DLC1: variants seen among roughly 807,000 people sequenced by gnomAD.
DLC1 encodes the protein rho GTPase-activating protein 7.
Under a neutral mutation model 140.3 loss-of-function variants are expected in DLC1, and 54 were observed. The observed-to-expected ratio is 0.38, with a 90% CI of 0.31 to 0.48. The LOEUF (loss-of-function observed/expected upper bound fraction) is 0.48, where lower values mean the gene tolerates loss of function less well. Ranked by LOEUF, DLC1 falls within the 20% of genes least tolerant of loss-of-function variation. The pLI is 0.96. For missense variants in DLC1, 2,536 were observed against 1,907.0 expected (o/e 1.33, Z -6.14); for synonymous variants, 986 against 728.1 (o/e 1.35, Z -5.70).
chr8:13,329,908 A>G (rs971184284), intron 4 of DLC1, among the ~76,000 whole-genome samples: 1 of 152,096 alleles, frequency 6.6e-6, no homozygotes, highest in African/African-American at 2.4e-5. Context: ...CTTAGGTTTT[A>G]TTTGTTGTAG....
chr8:13,497,745 T>C (rs1347650123), intron 2 of DLC1, among the ~76,000 whole-genome samples: 1 of 152,166 alleles, frequency 6.6e-6, no homozygotes, highest in Non-Finnish European at 1.5e-5. Flanking sequence ...ATAGGATATA[T>C]GAAAGTTTTT....
rs1350947541 is a variant in DLC1 at position 13,392,208 on chromosome 8, G to A, written c.1314+1345C>T. On this transcript the variant is annotated intron_variant, in intron 4 of 17. Coordinates refer to ENST00000276297, the MANE Select transcript of DLC1 (RefSeq NM_182643.3). ...ATGCAGTATTATCATAGCTTGTACA[G>A]CATTTCATTGCGTTTCACTGTTTAC... is the stretch of plus-strand genomic sequence containing the variant. 2.0e-5 allele frequency among the ~76,000 whole-genome samples: 3 copies of A among 152,256 alleles called. No individual in the cohort carries two copies. The East Asian group carries it at 5.8e-4, about 29-fold the overall frequency.
intron 5 of DLC1, among the ~76,000 whole-genome samples, chr8:13,258,550 A>G (rs1006954183): frequency 3.9e-5 from 6 of 152,198 alleles, no homozygotes; most frequent in Admixed American, 3.9e-4. Context: ...TCACATCCAC[A>G]TTTAAGTTCT....
chr8:13,382,525 A>G (rs621804), intron 4 of DLC1, among the ~76,000 whole-genome samples: 3,150 of 45,946 alleles, frequency 0.069, 219 homozygotes, highest in East Asian at 0.29. Context: ...AAAAAAAAAA[A>G]AAAAAAAGAA....
At chr8:13,421,695 T>C (rs1456086931) in intron 2 of DLC1, among the ~76,000 whole-genome samples, 1 of 152,194 alleles carries the variant, frequency 6.6e-6, no homozygotes, top group African/African-American at 2.4e-5. Flanking sequence ...AATAGCCTTT[T>C]GCTTCCAAAA....
At chr8:13,524,869 A>C (rs141890924) in intron 1 of DLC1, among the ~76,000 whole-genome samples, 186 of 152,330 alleles carry the variant, frequency 1.2e-3, no homozygotes, top group African/African-American at 4.2e-3. Context: ...TACATATTTA[A>C]AGTGAACAAT....
At chr8:13,407,778 T>G (rs1436459181) in intron 2 of DLC1, among the ~76,000 whole-genome samples, 1 of 152,192 alleles carries the variant, frequency 6.6e-6, no homozygotes, top group African/African-American at 2.4e-5. Context: ...TATTCTGGAC[T>G]GCTAATACTC....
chr8:13,394,756 C>T lies in DLC1; in HGVS notation c.1174-1063G>A, dbSNP rs533275941. Among the ~76,000 whole-genome samples the T allele has an allele frequency of 1.2e-4, 18 of 152,252 alleles. 1 individual carries two copies. In the South Asian group the frequency reaches 3.5e-3, roughly 30 times the overall value. On this transcript the variant is annotated intron_variant, in intron 3 of 17. Coordinates refer to ENST00000276297, the MANE Select transcript of DLC1 (RefSeq NM_182643.3). ...ATTCTCTTGTTTCTCAGTCCTACCTCCTCTTGATAATTTCTTTTAATACAG... is the reference window on the plus strand; with the variant it reads ...ATTCTCTTGTTTCTCAGTCCTACCTTCTCTTGATAATTTCTTTTAATACAG...
intron 4 of DLC1, among the ~76,000 whole-genome samples, chr8:13,375,576 T>A (rs915431018): frequency 7.9e-5 from 12 of 152,298 alleles, no homozygotes; most frequent in African/African-American, 2.6e-4. Flanking sequence ...AGGTCATCCC[T>A]GTCTTGTGCC....
chr8:13,282,564 T>C (rs1321754396), intron 5 of DLC1, among the ~76,000 whole-genome samples: 1 of 152,200 alleles, frequency 6.6e-6, no homozygotes, highest in Admixed American at 6.5e-5. Context: ...TAATTTTAGA[T>C]ACAGTTAAAA....
chr8:13,192,404 A>T (rs1189789971), intron 5 of DLC1, among the ~76,000 whole-genome samples: 1 of 152,198 alleles, frequency 6.6e-6, no homozygotes, highest in Non-Finnish European at 1.5e-5. Context: ...GAGAAAAGAA[A>T]TCACAGGAAG....
intron 4 of DLC1, among the ~76,000 whole-genome samples, chr8:13,361,836 A>C (rs551927286): frequency 1.3e-5 from 2 of 152,324 alleles, no homozygotes; most frequent in African/African-American, 2.4e-5. Flanking sequence ...CTTCTTATTT[A>C]GTACATATAT....
chr8:13,214,543 G>A (rs1828099673), intron 5 of DLC1: 3 of 692,650 alleles, frequency 4.3e-6, no homozygotes, highest in East Asian at 2.5e-5. Context: ...GCTGTCCCCC[G>A]GCCCCAACCC....
chr8:13,458,551 C>G (rs996254652), intron 2 of DLC1, among the ~76,000 whole-genome samples: 1 of 152,108 alleles, frequency 6.6e-6, no homozygotes, highest in Non-Finnish European at 1.5e-5. Flanking sequence ...CAAAATAATA[C>G]TTTGCTCTCT....
chr8:13,366,402 C>G (rs760986366), intron 4 of DLC1, among the ~76,000 whole-genome samples: 5 of 152,130 alleles, frequency 3.3e-5, no homozygotes, highest in Non-Finnish European at 7.4e-5. Flanking sequence ...AACTTGCAGT[C>G]TATGGAAGGT....
intron 4 of DLC1, among the ~76,000 whole-genome samples, chr8:13,317,345 A>T (rs986076079): frequency 6.6e-6 from 1 of 152,216 alleles, no homozygotes; most frequent in African/African-American, 2.4e-5. Flanking sequence ...CCCATTAAAT[A>T]ATTTGAACAT....
chr8:13,171,265 A>G (rs112535262), intron 5 of DLC1, among the ~76,000 whole-genome samples: 2,154 of 152,338 alleles, frequency 0.014, 16 homozygotes, highest in South Asian at 0.036. Context: ...GATGTATGCC[A>G]TTTAGGCTGT....
intron 5 of DLC1, among the ~76,000 whole-genome samples, chr8:13,252,526 G>C (rs1401845646): frequency 1.3e-5 from 2 of 152,112 alleles, no homozygotes; most frequent in African/African-American, 4.8e-5. Flanking sequence ...TAGAATAAGG[G>C]AAGAAAAAAT....
intron 5 of DLC1, among the ~76,000 whole-genome samples, chr8:13,241,322 C>G (rs546912493): frequency 6.6e-6 from 1 of 152,190 alleles, no homozygotes; most frequent in Non-Finnish European, 1.5e-5. Flanking sequence ...CAAATACATA[C>G]TGTAAACTCT....
Sources: allele counts gnomAD v4.1 joint callset (sites outside exome capture counted in the v4.1 genomes callset), GRCh38; gene constraint gnomAD v4.1.1; transcripts MANE v1.5; gene names NCBI Gene and HGNC (gene_info 2026-07-23, HGNC 2026-07-21).